The following S100Z variants were observed in gnomAD, a reference collection of about 807,000 sequenced individuals.
The protein encoded by S100Z is S100 calcium binding protein Z, also known as protein S100-Z.
Under a neutral mutation model 8.5 loss-of-function variants are expected in S100Z, and 11 were observed. The ratio of observed to expected loss-of-function variants is 1.30; its 90% CI spans 0.82 to 2.15. The LOEUF (loss-of-function observed/expected upper bound fraction) is 2.15, where lower values mean the gene tolerates loss of function less well. Among genes scored for constraint, S100Z ranks in the 30% most tolerant of loss-of-function variants. The probability of loss-of-function intolerance (pLI) is 0.00; values close to 1 mark genes in which losing one functional copy is unlikely to be tolerated. For synonymous variants in S100Z, 34 were observed against 43.8 expected (o/e 0.78, Z 0.89); for missense variants, 126 against 117.9 (o/e 1.07, Z -0.32).
intron 4 of S100Z, among the ~76,000 whole-genome samples, chr5:76,900,265 T>G (rs1158262806): frequency 6.6e-6 from 1 of 152,226 alleles, no homozygotes; most frequent in African/African-American, 2.4e-5. Flanking sequence ...ACTTGAATAT[T>G]GATATCTTTC....
intron 4 of S100Z, among the ~76,000 whole-genome samples, chr5:76,910,773 TC>T (rs1193275771): frequency 2.6e-5 from 4 of 152,118 alleles, no homozygotes; most frequent in Non-Finnish European, 4.4e-5. Context: ...GAAATTGACT[TC>T]CTCCTGGACA....
At chr5:76,852,580 C>T (rs1185852107) in intron 1 of S100Z, among the ~76,000 whole-genome samples, 1 of 152,082 alleles carries the variant, frequency 6.6e-6, no homozygotes, top group African/African-American at 2.4e-5. Context: ...AATGGTGGTG[C>T]ACACCTGTAA....
chr5:76,911,611 T>C (rs1029351760), intron 4 of S100Z, among the ~76,000 whole-genome samples: 1 of 152,222 alleles, frequency 6.6e-6, no homozygotes, highest in Non-Finnish European at 1.5e-5. Context: ...GTCCAGGCAC[T>C]CTGGTCCTTC....
chr5:76,905,621 C>A (rs890969446), intron 4 of S100Z, among the ~76,000 whole-genome samples: 2 of 151,868 alleles, frequency 1.3e-5, no homozygotes, highest in African/African-American at 4.8e-5. Context: ...ACCACGTTAT[C>A]CAGGATGGTC....
chr5:76,930,835 T>G, the S100Z span, among the ~76,000 whole-genome samples: 5 of 152,110 alleles, frequency 3.3e-5, no homozygotes, highest in African/African-American at 1.2e-4. Context: ...GCCCTATGAT[T>G]TCCTGGAATA....
chr5:76,925,437 G>A (rs1027981401), downstream of S100Z, among the ~76,000 whole-genome samples: 6 of 152,172 alleles, frequency 3.9e-5, no homozygotes, highest in Non-Finnish European at 2.9e-5. Context: ...CTCACACTCA[G>A]TCCTCTACTC....
At chr5:76,911,144 A>G (rs1397016546) in intron 4 of S100Z, among the ~76,000 whole-genome samples, 2 of 152,344 alleles carry the variant, frequency 1.3e-5, no homozygotes, top group East Asian at 3.9e-4. Context: ...AAAAGATCCC[A>G]CCACTTTTCC....
chr5:76,899,866 G>A (rs1744172844), intron 4 of S100Z, among the ~76,000 whole-genome samples: 1 of 152,048 alleles, frequency 6.6e-6, no homozygotes, highest in African/African-American at 2.4e-5. Flanking sequence ...ATTATTTATT[G>A]CTCATTATTG....
chr5:76,863,632 G>T (rs113365958), intron 1 of S100Z, among the ~76,000 whole-genome samples: 2 of 151,874 alleles, frequency 1.3e-5, no homozygotes, highest in South Asian at 2.1e-4. Context: ...TCCGCCTCCC[G>T]GGTTCACGCC....
chr5:76,856,981 C>G (rs946387322), intron 1 of S100Z, among the ~76,000 whole-genome samples: 1 of 152,142 alleles, frequency 6.6e-6, no homozygotes, highest in Admixed American at 6.5e-5. Flanking sequence ...AATTAGAGAA[C>G]TTGGAGGAAA....
chr5:76,948,016 T>C, the S100Z span, among the ~76,000 whole-genome samples: 1 of 152,094 alleles, frequency 6.6e-6, no homozygotes, highest in South Asian at 2.1e-4. Context: ...CTAGTGGGAC[T>C]ACATCAAACC....
intron 1 of S100Z, among the ~76,000 whole-genome samples, chr5:76,855,661 G>T (rs766553989): frequency 1.5e-4 from 23 of 152,156 alleles, no homozygotes; most frequent in Non-Finnish European, 2.5e-4. Context: ...GATTTTACAG[G>T]CTTATTTGTA....
chr5:76,888,367 A>ATTTTTTTTTTT lies in S100Z; in HGVS notation c.*2+10549_*2+10559dup, dbSNP rs1171043164. On this transcript the variant is annotated intron_variant, in intron 4 of 4. Coordinates refer to ENST00000317593, the MANE Select transcript of S100Z (RefSeq NM_130772.4). ...TTTTTTTTCCTGGGAAAGTGCTGGT[A>ATTTTTTTTTTT]TTTTTTTTTTTTTTTTTTTTTTTTT... Among the ~76,000 whole-genome samples, 8 of 45,426 alleles carry ATTTTTTTTTTT rather than the reference A, an allele frequency of 1.8e-4. 2 individuals are homozygous for ATTTTTTTTTTT. The highest frequency in any genetic ancestry group is 1.8e-3 in the East Asian group (2 of 1,120). The allele number at this position is 45,426 out of a possible 152,430, so 29.8% of individuals were successfully genotyped here. A position where few individuals can be genotyped will look rare whatever the true frequency, so the allele number is the denominator to read the frequency against.
the S100Z span, among the ~76,000 whole-genome samples, chr5:76,930,125 A>G: frequency 2.4e-3 from 365 of 152,350 alleles, no homozygotes; most frequent in African/African-American, 8.2e-3. Context: ...TCATCTTTAA[A>G]TCTTTAAAAC....
chr5:76,952,788 A>T, the S100Z span: 1 of 265,084 alleles, frequency 3.8e-6, no homozygotes, highest in Admixed American at 4.6e-5. Context: ...GGTCAACAAA[A>T]TGCACTCCCT....
chr5:76,877,182 G>T (rs769898831), intron 3 of S100Z, among the ~76,000 whole-genome samples: 3 of 152,134 alleles, frequency 2.0e-5, no homozygotes, highest in Non-Finnish European at 4.4e-5. Context: ...CGACCCTGGT[G>T]CTCTAAGCAC....
the S100Z span, among the ~76,000 whole-genome samples, chr5:76,946,129 C>A: frequency 2.0e-5 from 3 of 152,298 alleles, no homozygotes; most frequent in African/African-American, 4.8e-5. Context: ...CCTGGCTGGA[C>A]ACAGGGATCT....
the S100Z span, among the ~76,000 whole-genome samples, chr5:76,950,328 C>T: frequency 2.0e-5 from 3 of 152,226 alleles, no homozygotes; most frequent in Non-Finnish European, 4.4e-5. Flanking sequence ...AAGCCAAGTG[C>T]AGCCTGTGGA....
intron 4 of S100Z, among the ~76,000 whole-genome samples, chr5:76,919,002 G>A (rs151324675): frequency 8.9e-4 from 135 of 152,188 alleles, no homozygotes; most frequent in African/African-American, 3.1e-3. Context: ...TTTCTTCGTG[G>A]CTTTTCATGG....
Sources: allele counts gnomAD v4.1 joint callset (sites outside exome capture counted in the v4.1 genomes callset), GRCh38; gene constraint gnomAD v4.1.1; transcripts MANE v1.5; gene names NCBI Gene and HGNC (gene_info 2026-07-23, HGNC 2026-07-21).